TSG101: variants seen among roughly 807,000 people sequenced by gnomAD.
TSG101 encodes the protein tumor susceptibility 101.
TSG101 carries 19 observed loss-of-function variants against 48.5 expected under a neutral mutation model. The ratio of observed to expected loss-of-function variants is 0.39; its 90% CI spans 0.27 to 0.58. The LOEUF is 0.58. Ranked by LOEUF, TSG101 falls within the 20% of genes least tolerant of loss-of-function variation. The pLI, the probability that TSG101 is intolerant of heterozygous loss-of-function variation, is 0.55. For synonymous variants in TSG101, 174 were observed against 169.4 expected (o/e 1.03, Z -0.21); for missense variants, 365 against 484.4 (o/e 0.75, Z 2.31).
chr11:18,518,694 T>C (rs1008416821), intron 2 of TSG101, among the ~76,000 whole-genome samples: 1 of 151,698 alleles, frequency 6.6e-6, no homozygotes, highest in Non-Finnish European at 1.5e-5. Context: ...TTCCTGAAAA[T>C]ATAAAGAGAC....
chr11:18,513,048 G>A (rs976483188), intron 4 of TSG101, among the ~76,000 whole-genome samples: 2 of 151,802 alleles, frequency 1.3e-5, no homozygotes, highest in Non-Finnish European at 2.9e-5. Flanking sequence ...ATTTTTATAA[G>A]GCTCATTCTA....
intron 5 of TSG101, chr11:18,507,874 A>C (rs1244134049): frequency 1.3e-5 from 2 of 152,080 alleles, no homozygotes; most frequent in Non-Finnish European, 2.9e-5. Context: ...GAGGCAGATC[A>C]CTTGAGGTCA....
In TSG101 at chr11:18,484,099, T is replaced by G. The variant is rs753107558; in HGVS notation, c.641-27A>C. 3 of 1,610,078 alleles carry G rather than the reference T, an allele frequency of 1.9e-6. No homozygotes were observed. In the African/African-American group the frequency reaches 4.0e-5, roughly 22 times the overall value. ...TGCAGGAAACAGAGGCAAAAAACAC[T>G]TGCTTACTTCCCAAGTTCCTTCTAT... is the stretch of plus-strand genomic sequence containing the variant. On this transcript the variant is annotated intron_variant, in intron 7 of 9. Transcript: ENST00000251968.
At chr11:18,520,426 T>C (rs1850250591) in intron 1 of TSG101, among the ~76,000 whole-genome samples, 1 of 152,138 alleles carries the variant, frequency 6.6e-6, no homozygotes, top group Non-Finnish European at 1.5e-5. Context: ...GGTCTTGCTA[T>C]GTTGCCCAGG....
intron 5 of TSG101, among the ~76,000 whole-genome samples, chr11:18,508,093 CAAA>C (rs200656803): frequency 7.6e-6 from 1 of 131,692 alleles, no homozygotes; most frequent in Non-Finnish European, 1.7e-5. Context: ...GACTCTGTCT[CAAA>C]AAAAAAAAAA....
In TSG101 at chr11:18,512,202, C is replaced by T. The variant is rs150733917; in HGVS notation, c.357+2476G>A. Reference sequence around the variant, plus strand: ...GACGGATCACCTGAAGTCAAGAGTTCGAGACCAGACTGGCCAATGTAGCAA... The same window carrying T: ...GACGGATCACCTGAAGTCAAGAGTTTGAGACCAGACTGGCCAATGTAGCAA... On this transcript the variant is annotated intron_variant, in intron 4 of 9. Coordinates refer to ENST00000251968, the MANE Select transcript of TSG101 (RefSeq NM_006292.4). Among the ~76,000 whole-genome samples the T allele has an allele frequency of 5.9e-3, 899 of 152,036 alleles. 9 individuals carry two copies. Among genetic ancestry groups the T allele is most frequent in the African/African-American group, 0.021 (867 of 41,482 alleles).
In TSG101 at chr11:18,484,079, G is replaced by A. The variant is rs1025296025; in HGVS notation, c.641-7C>T. On this transcript the variant is annotated splice_region_variant and splice_polypyrimidine_tract_variant and intron_variant, in intron 7 of 9. Transcript: ENST00000251968. The stretch of plus-strand genomic sequence containing the variant: ...GTGCCATCCCTACTGGGACCTGCAG[G>A]AAACAGAGGCAAAAAACACTTGCTT... 14 of 1,613,314 alleles carry A rather than the reference G, an allele frequency of 8.7e-6. No homozygotes were observed. The highest frequency in any genetic ancestry group is 7.7e-5 in the South Asian group (7 of 91,050).
chr11:18,517,790 T>C (rs748798929), intron 2 of TSG101, among the ~76,000 whole-genome samples: 2 of 152,184 alleles, frequency 1.3e-5, no homozygotes, highest in Admixed American at 6.5e-5. Context: ...AGACCATATC[T>C]CTATCACTAC....
chr11:18,495,122 C>G (rs1241886270), intron 7 of TSG101, among the ~76,000 whole-genome samples: 1 of 152,188 alleles, frequency 6.6e-6, no homozygotes, highest in African/African-American at 2.4e-5. Flanking sequence ...CTTACTGTTT[C>G]TGATCCTTGT....
chr11:18,519,868 C>T (rs1021507752), intron 1 of TSG101, among the ~76,000 whole-genome samples: 20 of 152,120 alleles, frequency 1.3e-4, no homozygotes, highest in African/African-American at 4.6e-4. Flanking sequence ...TTGGTTAAAA[C>T]GTCTCAATAA....
chr11:18,500,115 CTAGTT>C (rs1350716056), intron 7 of TSG101, among the ~76,000 whole-genome samples: 1 of 152,120 alleles, frequency 6.6e-6, no homozygotes, highest in Non-Finnish European at 1.5e-5. Context: ...CTTTCTGCGC[CTAGTT>C]TATTTCCAAT....
At chr11:18,497,804 T>C (rs548222255) in intron 7 of TSG101, among the ~76,000 whole-genome samples, 42 of 152,164 alleles carry the variant, frequency 2.8e-4, no homozygotes, top group Non-Finnish European at 5.4e-4. Context: ...CATTATATTG[T>C]AGTTACATTA....
At chr11:18,498,729 T>A (rs1849823564) in intron 7 of TSG101, among the ~76,000 whole-genome samples, 1 of 152,062 alleles carries the variant, frequency 6.6e-6, no homozygotes, top group Non-Finnish European at 1.5e-5. Context: ...GAGATGGTAT[T>A]TAAAGCTATT....
At chr11:18,480,674 T>A (rs1410799544) in intron 9 of TSG101, 39 bp from the exon 10 acceptor site, 1 of 1,582,956 alleles carries the variant, frequency 6.3e-7, no homozygotes, top group Non-Finnish European at 8.7e-7. Flanking sequence ...TAGAATGGCT[T>A]TGATTTAGGC....
chr11:18,506,781 A>G, intron 6 of TSG101, 76 bp downstream of exon 6: 1 of 1,258,634 alleles, frequency 7.9e-7, no homozygotes, highest in South Asian at 1.8e-5. Context: ...TAATGCCCTA[A>G]TTAGCAAATT....
Position 18,480,517 on chromosome 11 carries a change from A to C in TSG101, c.*29T>G. ...AGGAAGAGAAGAATACTTTAAGAAG[A>C]GCTCAACCTCCAGCTGGTATCAGAG... On this transcript the variant is annotated 3_prime_UTR_variant, in exon 10 of 10. Transcript: ENST00000251968. The C allele has an allele frequency of 6.3e-7, 1 of 1,581,706 alleles. No individual in the cohort carries two copies. Among genetic ancestry groups the C allele is most frequent in the Non-Finnish European group, 8.7e-7 (1 of 1,153,286 alleles).
intron 6 of TSG101, among the ~76,000 whole-genome samples, chr11:18,504,360 T>C (rs1267567900): frequency 6.6e-6 from 1 of 152,188 alleles, no homozygotes; most frequent in Non-Finnish European, 1.5e-5. Flanking sequence ...GTTTTATATA[T>C]GACTTGCTGA....
At chr11:18,522,470 G>T (rs187112271) in intron 1 of TSG101, among the ~76,000 whole-genome samples, 1 of 152,210 alleles carries the variant, frequency 6.6e-6, no homozygotes, top group African/African-American at 2.4e-5. Flanking sequence ...TATCCTGTTA[G>T]CTTTGCCTTC....
chr11:18,497,510 A>G (rs1849802198), intron 7 of TSG101, among the ~76,000 whole-genome samples: 1 of 152,196 alleles, frequency 6.6e-6, no homozygotes, highest in Non-Finnish European at 1.5e-5. Context: ...CATTTTCCAC[A>G]CATTTCTATT....
Sources: allele counts gnomAD v4.1 joint callset (sites outside exome capture counted in the v4.1 genomes callset), GRCh38; gene constraint gnomAD v4.1.1; transcripts MANE v1.5; gene names NCBI Gene and HGNC (gene_info 2026-07-23, HGNC 2026-07-21).